Variants in SEPTIN7 observed in about 807,000 individuals in gnomAD.
SEPTIN7 encodes septin-7.
Under a neutral mutation model 63.3 loss-of-function variants are expected in SEPTIN7, and 10 were observed. The ratio of observed to expected loss-of-function variants is 0.16; its 90% CI spans 0.10 to 0.27. The LOEUF is 0.27. Among genes scored for constraint, SEPTIN7 ranks in the 10% least tolerant of loss-of-function variants. The probability of loss-of-function intolerance (pLI) is 1.00; values close to 1 mark genes in which losing one functional copy is unlikely to be tolerated. For missense variants in SEPTIN7, 310 were observed against 521.0 expected, an observed-to-expected ratio of 0.59 and a Z score of 3.94; for synonymous variants, 131 against 165.3, an observed-to-expected ratio of 0.79 and a Z score of 1.59.
chr7:35,883,560 A>C (rs1787032181), intron 8 of SEPTIN7, among the ~76,000 whole-genome samples: 2 of 139,910 alleles, frequency 1.4e-5, no homozygotes, highest in African/African-American at 2.6e-5. Context: ...TTTTCCCCCA[A>C]ATGCCAATAT....
chr7:35,842,899 G>T (rs1406896315), intron 3 of SEPTIN7, among the ~76,000 whole-genome samples: 2 of 152,034 alleles, frequency 1.3e-5, no homozygotes, highest in African/African-American at 4.8e-5. Flanking sequence ...AAAGTAACAA[G>T]TGTATGTTAT....
chr7:35,818,978 C>A (rs926529488), intron 1 of SEPTIN7, among the ~76,000 whole-genome samples: 2 of 151,680 alleles, frequency 1.3e-5, no homozygotes, highest in Non-Finnish European at 2.9e-5. Flanking sequence ...CTTAAATAAT[C>A]ATTTCCTTAT....
rs184897150 is a variant in SEPTIN7, at chr7:35,904,610, A to C, written c.*317A>C. On this transcript the variant is annotated 3_prime_UTR_variant, in exon 14 of 14. Transcript: ENST00000350320. Reference sequence around the variant, plus strand: ...TCATGTTCTGGTGGTTTGATTGTTTACAGGATATTCCAAAATAAAAGGACT... The same window carrying C: ...TCATGTTCTGGTGGTTTGATTGTTTCCAGGATATTCCAAAATAAAAGGACT... 2 of 202,060 alleles carry C rather than the reference A, an allele frequency of 9.9e-6. No homozygotes were observed. The highest frequency in any genetic ancestry group is 4.6e-5 in the African/African-American group (2 of 43,680). The allele number at this position is 202,060 out of a possible 1,614,324, so 12.5% of individuals were successfully genotyped here. A position where few individuals can be genotyped will look rare whatever the true frequency, so the allele number is the denominator to read the frequency against.
chr7:35,896,192 G>A (rs769765237), intron 11 of SEPTIN7, among the ~76,000 whole-genome samples: 1 of 151,964 alleles, frequency 6.6e-6, no homozygotes, highest in African/African-American at 2.4e-5. Flanking sequence ...AATTTAGGTG[G>A]CAAAAATACT....
At chr7:35,823,278 T>C (rs1263610155) in intron 1 of SEPTIN7, among the ~76,000 whole-genome samples, 1 of 152,192 alleles carries the variant, frequency 6.6e-6, no homozygotes, top group South Asian at 2.1e-4. Flanking sequence ...CTTGGCTCAC[T>C]GCAATCTCCA....
At chr7:35,839,755 A>G (rs1784314409) in intron 3 of SEPTIN7, among the ~76,000 whole-genome samples, 1 of 152,092 alleles carries the variant, frequency 6.6e-6, no homozygotes, top group Non-Finnish European at 1.5e-5. Context: ...GGGTTTCACC[A>G]TCTTGGCCAG....
At chr7:35,833,363 C>G (rs1783928591) in intron 3 of SEPTIN7, among the ~76,000 whole-genome samples, 2 of 152,092 alleles carry the variant, frequency 1.3e-5, no homozygotes, top group South Asian at 4.1e-4. Context: ...TGAATGTAAG[C>G]ACTGGAATGA....
intron 10 of SEPTIN7, among the ~76,000 whole-genome samples, chr7:35,888,427 CTTTTATCTTA>C (rs763870275): frequency 3.3e-5 from 5 of 152,142 alleles, no homozygotes; most frequent in Non-Finnish European, 7.4e-5. Context: ...ATTCACCTTA[CTTTTATCTTA>C]CACATTCATG....
intron 3 of SEPTIN7, among the ~76,000 whole-genome samples, chr7:35,850,841 A>G (rs1458880230): frequency 1.3e-5 from 2 of 152,164 alleles, no homozygotes; most frequent in Admixed American, 1.3e-4. Context: ...TAAAAATTTA[A>G]TGATCACTTA....
intron 12 of SEPTIN7, 140 bp downstream of exon 12, chr7:35,898,523 T>C (rs1788094021): frequency 1.8e-6 from 1 of 554,726 alleles, no homozygotes; most frequent in Admixed American, 3.1e-5. Context: ...AACGGATAAA[T>C]TTCTAGAAGC....
intron 3 of SEPTIN7, among the ~76,000 whole-genome samples, chr7:35,844,214 G>T (rs1251814252): frequency 1.3e-5 from 2 of 152,160 alleles, no homozygotes; most frequent in East Asian, 3.9e-4. Context: ...ACATTTAGTT[G>T]AATAAAGGTT....
chr7:35,901,237 A>G (rs1179266753), intron 12 of SEPTIN7: 1 of 152,306 alleles, frequency 6.6e-6, no homozygotes, highest in East Asian at 1.9e-4. Flanking sequence ...TTTATAGATA[A>G]GAAGGATAAA....
At chr7:35,908,993 G>A (rs867511532), downstream of SEPTIN7, among the ~76,000 whole-genome samples, 20 of 152,242 alleles carry the variant, frequency 1.3e-4, no homozygotes, top group African/African-American at 4.8e-4. Context: ...TAAGCCAGTA[G>A]TTTTAAGCAA....
At chr7:35,880,218 C>CTTTTTTTTTTTTTTTT (rs1396218271) in intron 7 of SEPTIN7, among the ~76,000 whole-genome samples, 2 of 91,480 alleles carry the variant, frequency 2.2e-5, no homozygotes, top group Non-Finnish European at 4.5e-5. Flanking sequence ...CTTTTTTTTT[C>CTTTTTTTTTTTTTTTT]TTTTCTTTTT....
downstream of SEPTIN7, among the ~76,000 whole-genome samples, chr7:35,909,385 G>T (rs1788697595): frequency 1.3e-5 from 2 of 152,184 alleles, no homozygotes; most frequent in Admixed American, 6.5e-5. Flanking sequence ...TTGGAAGATG[G>T]AATGGAGGCC....
intron 11 of SEPTIN7, among the ~76,000 whole-genome samples, chr7:35,895,207 AAAATAGT>A (rs1787888261): frequency 6.6e-6 from 1 of 152,208 alleles, no homozygotes; most frequent in South Asian, 2.1e-4. Context: ...TACTTGGAAA[AAAATAGT>A]AAATGTGAAG....
chr7:35,809,157 C>T (rs747084631), intron 1 of SEPTIN7, among the ~76,000 whole-genome samples: 2 of 152,198 alleles, frequency 1.3e-5, no homozygotes, highest in African/African-American at 2.4e-5. Context: ...TTGCTGTGTG[C>T]TGGCCACTGG....
At chr7:35,832,716 T>C in intron 2 of SEPTIN7, 82 bp from the exon 3 acceptor site, 1 of 806,986 alleles carries the variant, frequency 1.2e-6, no homozygotes, top group South Asian at 1.4e-5. Flanking sequence ...TTTTCTAAAA[T>C]AGGTTAATGA....
chr7:35,888,161 A>G (rs569331923), intron 10 of SEPTIN7, among the ~76,000 whole-genome samples: 94 of 152,194 alleles, frequency 6.2e-4, no homozygotes, highest in Non-Finnish European at 1.2e-3. Flanking sequence ...CGATATCAGC[A>G]ATGGGAAATG....
Sources: gnomAD v4.1 joint callset for allele counts (sites outside exome capture counted in the v4.1 genomes callset) on GRCh38, gnomAD v4.1.1 for gene constraint, MANE v1.5 for transcripts, NCBI Gene and HGNC (gene_info 2026-07-23, HGNC 2026-07-21) for gene names.